The following PADI4 variants were observed in gnomAD, a reference collection of about 807,000 sequenced individuals.
PADI4 encodes protein-arginine deiminase type-4.
A neutral mutation model predicts 75.0 loss-of-function variants in PADI4; 62 were observed. The ratio of observed to expected loss-of-function variants is 0.83; its 90% confidence interval spans 0.67 to 1.02. PADI4 has a LOEUF of 1.02. PADI4 is among the 50% of genes least tolerant of loss of function. The pLI, the probability that PADI4 is intolerant of heterozygous loss-of-function variation, is 0.00. For synonymous variants in PADI4, 361 were observed against 348.1 expected, an observed-to-expected ratio of 1.04 and a Z score of -0.41; for missense variants, 845 against 850.5, an observed-to-expected ratio of 0.99 and a Z score of 0.08.
chr1:17,339,591 G>A (rs887943129), intron 5 of PADI4, 97 bp from the exon 6 acceptor site: 27 of 1,281,736 alleles, frequency 2.1e-5, no homozygotes, highest in Middle Eastern at 4.9e-4. Flanking sequence ...TCAGGGGAGC[G>A]GTGGGGTGTG....
At chr1:17,330,904 A>G in intron 1 of PADI4, 65 bp from the exon 2 acceptor site, 1 of 1,032,906 alleles carries the variant, frequency 9.7e-7, no homozygotes, top group South Asian at 1.7e-5. Context: ...AAATGCTGGG[A>G]GAGCCATGGC....
Position 17,358,765 on chromosome 1 carries a change from C to G in PADI4, c.1559-73C>G, listed in dbSNP as rs115743033. On this transcript the variant is annotated intron_variant, in intron 13 of 15. Transcript: ENST00000375448. Reference sequence around the variant, plus strand: ...TATAGATGGGAACACTGAGTCCCCCCCCGGCACTGGCTGGGAAGAGGGAAA... The same window carrying G: ...TATAGATGGGAACACTGAGTCCCCCGCCGGCACTGGCTGGGAAGAGGGAAA... The G allele has an allele frequency of 1.5e-3, 1,459 of 941,438 alleles. 16 individuals carry two copies. The African/African-American group carries it at 0.02, about 13-fold the overall frequency. The allele number at this position is 941,438 out of a possible 1,614,324, so 58.3% of individuals were successfully genotyped here.
chr1:17,328,272 C>G (rs12733748), intron 1 of PADI4, among the ~76,000 whole-genome samples: 2 of 152,068 alleles, frequency 1.3e-5, no homozygotes, highest in Non-Finnish European at 2.9e-5. Context: ...AATCCTCCTG[C>G]CTTTGCCTCC....
In PADI4 at chr1:17,331,122, G is replaced by A. The variant is rs557926091; in HGVS notation, c.246G>A (p.Val82=). 13 of 1,611,088 alleles carry A rather than the reference G, an allele frequency of 8.1e-6. No individual in the cohort carries two copies. In the Admixed American group the frequency reaches 8.4e-5, roughly 10 times the overall value. Residue 82 remains valine, a synonymous_variant, in exon 2 of 16, where the codon GTG becomes GTA. Transcript: ENST00000375448. ...PGVEVTLTMK[V]ASGSTGDQKV... Reference sequence around the variant, plus strand: ...TAGAGGTGACCCTGACGATGAAAGTGGCCAGTGGTAGCACAGGCGACCAGA... The same window carrying A: ...TAGAGGTGACCCTGACGATGAAAGTAGCCAGTGGTAGCACAGGCGACCAGA...
At position 17,363,517 on chromosome 1, in the gene PADI4, T is replaced by A. The variant is rs749584444; in HGVS notation, c.1759-5T>A. The A allele has an allele frequency of 1.2e-6, 2 of 1,605,880 alleles. No individual in the cohort carries two copies. The highest frequency in any genetic ancestry group is 1.1e-5 in the South Asian group (1 of 90,620). ...CCTGTGACCTGAACCCTCACTTCCCTGCAGGTGAACATGCTGGTGCTAGGG... is the reference window on the plus strand; with the variant it reads ...CCTGTGACCTGAACCCTCACTTCCCAGCAGGTGAACATGCTGGTGCTAGGG... On this transcript the variant is annotated splice_region_variant and splice_polypyrimidine_tract_variant and intron_variant, in intron 15 of 15. Coordinates refer to ENST00000375448, the MANE Select transcript of PADI4 (RefSeq NM_012387.3).
At chr1:17,349,181 C>T (rs569707778) in intron 10 of PADI4, among the ~76,000 whole-genome samples, 8 of 152,314 alleles carry the variant, frequency 5.3e-5, no homozygotes, top group South Asian at 2.1e-4. Context: ...CAGCTGCTAC[C>T]GTGACTTTGC....
At chr1:17,344,986 G>C (rs2074489623) in intron 8 of PADI4, among the ~76,000 whole-genome samples, 1 of 152,204 alleles carries the variant, frequency 6.6e-6, no homozygotes, top group Non-Finnish European at 1.5e-5. Context: ...TGCACCGTGT[G>C]CCTGGAAAAG....
chr1:17,358,964 C>A, intron 14 of PADI4, 56 bp downstream of exon 14: 2 of 1,221,454 alleles, frequency 1.6e-6, no homozygotes, highest in Non-Finnish European at 2.4e-6. Flanking sequence ...CCCGGCTCAG[C>A]CACTTTCCCA....
intron 10 of PADI4, among the ~76,000 whole-genome samples, chr1:17,350,166 G>C (rs1199519026): frequency 7.8e-6 from 1 of 128,664 alleles, no homozygotes; most frequent in Non-Finnish European, 1.7e-5. Context: ...TGCCTGCGCT[G>C]CTGGGCCTGA....
chr1:17,356,464 G>T lies in PADI4; in HGVS notation c.1558+5G>T. ...TGCTGTTCGAAGGGATCAAGAGTAA[G>T]TCGGCCCTGCCTTGTTCTCCTGTCT... On this transcript the variant is annotated splice_donor_5th_base_variant and intron_variant, in intron 13 of 15. Transcript: ENST00000375448. This position sits in a 1 kb window ranked among gnomAD's most constrained non-coding sequence, Gnocchi z 4.1. 1.3e-6 allele frequency: 2 copies of T among 1,561,410 alleles called. No individual in the cohort carries two copies. Among genetic ancestry groups the T allele is most frequent in the Non-Finnish European group, 1.8e-6 (2 of 1,133,352 alleles).
At position 17,333,963 on chromosome 1, in the gene PADI4, A is replaced by G; in HGVS notation, c.294A>G (p.Gly98=). The part of the protein sequence containing the change: ...GDQKVQISYY[G]PKTPPVKALL... ...CATAGGTTCAGATTTCATACTACGG[A>G]CCCAAGACTCCACCAGTCAAAGCTC... The change falls in exon 3 of 16, where the codon GGA becomes GGG. Residue 98 remains glycine, a synonymous_variant. Transcript: ENST00000375448. The G allele has an allele frequency of 6.2e-7, 1 of 1,612,892 alleles. No individual in the cohort carries two copies. The highest frequency in any genetic ancestry group is 8.5e-7 in the Non-Finnish European group (1 of 1,178,954).
chr1:17,347,342 C>T (rs1408665381), intron 9 of PADI4, among the ~76,000 whole-genome samples: 2 of 152,186 alleles, frequency 1.3e-5, no homozygotes, highest in African/African-American at 4.8e-5. Flanking sequence ...CTAATAGTAA[C>T]TTATAGTAGT....
intron 1 of PADI4, among the ~76,000 whole-genome samples, chr1:17,322,554 A>G (rs2074049372): frequency 6.6e-6 from 1 of 152,118 alleles, no homozygotes; most frequent in African/African-American, 2.4e-5. Flanking sequence ...GAACTGTTTT[A>G]GGGTAAAGAT....
chr1:17,315,817 T>G (rs1016007014), intron 1 of PADI4, among the ~76,000 whole-genome samples: 1 of 151,978 alleles, frequency 6.6e-6, no homozygotes, highest in African/African-American at 2.4e-5. Flanking sequence ...TTTCCATTTT[T>G]GGAGAAAATT....
chr1:17,345,822 G>A (rs1205539177), intron 8 of PADI4, among the ~76,000 whole-genome samples: 3 of 152,102 alleles, frequency 2.0e-5, no homozygotes, highest in South Asian at 4.1e-4. Context: ...TACACGGGTG[G>A]AAGGGGTACC....
At position 17,323,511 on chromosome 1, in the gene PADI4, C is replaced by A. The variant is rs142257889; in HGVS notation, c.93-7458C>A. 5.5e-3 allele frequency among the ~76,000 whole-genome samples: 840 copies of A among 152,204 alleles called. 10 individuals carry two copies. Among genetic ancestry groups the A allele is most frequent in the African/African-American group, 0.019 (803 of 41,524 alleles). On this transcript the variant is annotated intron_variant, in intron 1 of 15. Coordinates refer to ENST00000375448, the MANE Select transcript of PADI4 (RefSeq NM_012387.3). ...ATACATATAACTCTTAATATAGAGA[C>A]AAATATTCAATACAAAGATAAAAAT...
In PADI4 at chr1:17,345,908, G is replaced by C; in HGVS notation, c.936-120G>C. ...TGCTAAGAGCAGATGGACCGGACGT[G>C]CCAGGAGCCTCTGTTCAGGCCACAG... On this transcript the variant is annotated intron_variant, in intron 8 of 15. Transcript: ENST00000375448. 3 of 639,136 alleles carry C rather than the reference G, an allele frequency of 4.7e-6. No homozygotes were observed. The South Asian group carries it at 5.6e-5, about 12-fold the overall frequency. 39.6% of individuals were successfully genotyped at this position (639,136 alleles called of 1,614,324 possible). A position where few individuals can be genotyped will look rare whatever the true frequency, so the allele number is the denominator to read the frequency against.
At chr1:17,342,740 T>C (rs1427002613) in intron 8 of PADI4, among the ~76,000 whole-genome samples, 1 of 152,150 alleles carries the variant, frequency 6.6e-6, no homozygotes, top group Non-Finnish European at 1.5e-5. Context: ...TTTGGGAGGC[T>C]GAGGCAGGTG....
rs114708133 is a variant in PADI4 at position 17,314,038 on chromosome 1, C to T, written c.92+5724C>T. On this transcript the variant is annotated intron_variant, in intron 1 of 15. Transcript: ENST00000375448. ...CCCTTACCTCTCTGAGCCTCAGTTT[C>T]CCCATCTAGCAGAGAGAGTGGCTAT... Among the ~76,000 whole-genome samples the T allele has an allele frequency of 2.4e-3, 365 of 152,272 alleles. 2 individuals are homozygous for T. The highest frequency in any genetic ancestry group is 8.3e-3 in the African/African-American group (345 of 41,542).
Sources: gnomAD v4.1 joint callset for allele counts (sites outside exome capture counted in the v4.1 genomes callset) on GRCh38, gnomAD v4.1.1 for gene constraint, Gnocchi (gnomAD v3.1) non-coding constraint, MANE v1.5 for transcripts, NCBI Gene and HGNC (gene_info 2026-07-23, HGNC 2026-07-21) for gene names.